Variants in TNRC6B observed in about 807,000 individuals in gnomAD.
TNRC6B encodes the protein trinucleotide repeat-containing gene 6B protein.
TNRC6B carries 52 observed loss-of-function variants against 203.6 expected under a neutral mutation model. That is an observed-to-expected ratio of 0.26 (90% confidence interval 0.20 to 0.32). TNRC6B has a LOEUF of 0.32. TNRC6B is among the 10% of genes least tolerant of loss of function. The probability of loss-of-function intolerance (pLI) is 1.00; values close to 1 mark genes in which losing one functional copy is unlikely to be tolerated. For missense variants in TNRC6B, 1,923 were observed against 2,286.2 expected, an observed-to-expected ratio of 0.84 and a Z score of 3.24; for synonymous variants, 838 against 845.7, an observed-to-expected ratio of 0.99 and a Z score of 0.16.
chr22:40,170,027 C>T (rs1357151616), intron 4 of TNRC6B, among the ~76,000 whole-genome samples: 1 of 151,610 alleles, frequency 6.6e-6, no homozygotes, highest in Non-Finnish European at 1.5e-5. Context: ...AGCCTATAAT[C>T]GTGGCACTTT....
intron 2 of TNRC6B, chr22:40,125,732 C>T: frequency 1.3e-6 from 2 of 1,505,104 alleles, no homozygotes; most frequent in Admixed American, 2.5e-5. Flanking sequence ...TTTTTTTGCC[C>T]TGAATTCCTT....
At chr22:40,319,417 CT>C (rs869241367) in intron 21 of TNRC6B, among the ~76,000 whole-genome samples, 14 of 115,334 alleles carry the variant, frequency 1.2e-4, no homozygotes, top group Middle Eastern at 4.5e-3. Flanking sequence ...TATAACTTTT[CT>C]TTTCTTTTTT....
chr22:40,075,156 A>ATATATATATATATATATATATAT, intron 1 of TNRC6B, among the ~76,000 whole-genome samples: 3 of 35,552 alleles, frequency 8.4e-5, no homozygotes, highest in Non-Finnish European at 1.0e-4. Context: ...ATATATATAT[A>ATATATATATATATATATATATAT]TTTTTTTTTT....
intron 9 of TNRC6B, among the ~76,000 whole-genome samples, chr22:40,279,764 T>C (rs981816630): frequency 2.0e-5 from 3 of 152,164 alleles, no homozygotes; most frequent in Non-Finnish European, 4.4e-5. Context: ...CAGATACATG[T>C]TTTGTTTTGT....
At chr22:40,264,613 G>C in intron 4 of TNRC6B, 75 bp from the exon 5 acceptor site, 3 of 1,474,214 alleles carry the variant, frequency 2.0e-6, no homozygotes, top group Non-Finnish European at 2.7e-6. Flanking sequence ...AGAGCTCAAA[G>C]GAGAGCCCCT....
At chr22:40,137,849 T>C (rs1407135412) in intron 3 of TNRC6B, among the ~76,000 whole-genome samples, 1 of 151,954 alleles carries the variant, frequency 6.6e-6, no homozygotes, top group Non-Finnish European at 1.5e-5. Flanking sequence ...CCGGGCATGG[T>C]GGCAGGCGCC....
chr22:40,308,412 A>C, intron 15 of TNRC6B, 100 bp from the exon 16 acceptor site: 1 of 1,352,284 alleles, frequency 7.4e-7, no homozygotes, highest in Non-Finnish European at 1.1e-6. Flanking sequence ...AACTCTGTGA[A>C]TTAGTCTTTG....
rs376177580 is a variant in TNRC6B at position 40,076,755 on chromosome 22, T to G, written c.-121+31757T>G. Among the ~76,000 whole-genome samples the G allele has an allele frequency of 1.6e-4, 24 of 152,346 alleles. 2 individuals are homozygous for G. Among genetic ancestry groups the G allele is most frequent in the Admixed American group, 9.8e-4 (15 of 15,304 alleles). ...TTAATGAAAAGTCTTCCAGTAATACTGTAGTATGGATGCTTCATAAAAAAA... is the reference window on the plus strand; with the variant it reads ...TTAATGAAAAGTCTTCCAGTAATACGGTAGTATGGATGCTTCATAAAAAAA... On this transcript the variant is annotated intron_variant, in intron 1 of 23. Coordinates refer to the TNRC6B transcript ENST00000301923.
intron 1 of TNRC6B, among the ~76,000 whole-genome samples, chr22:40,077,825 A>T (rs779635423): frequency 1.8e-4 from 27 of 152,186 alleles, no homozygotes; most frequent in Non-Finnish European, 2.6e-4. Context: ...GTGGATACAT[A>T]CTGCATTGAG....
intron 1 of TNRC6B, among the ~76,000 whole-genome samples, chr22:40,098,054 T>G (rs1194075207): frequency 6.6e-6 from 1 of 150,536 alleles, no homozygotes; most frequent in South Asian, 2.1e-4. Context: ...ACTTGTGAGG[T>G]GTGTGTGTGT....
At chr22:40,285,592 C>T (rs2070769404) in intron 11 of TNRC6B, 53 bp from the exon 12 acceptor site, 2 of 1,583,476 alleles carry the variant, frequency 1.3e-6, no homozygotes, top group Admixed American at 3.8e-5. Context: ...CTGTTTCTTA[C>T]TTGCATTTTC....
chr22:40,278,275 C>T (rs1033513189), intron 9 of TNRC6B, among the ~76,000 whole-genome samples: 2 of 152,044 alleles, frequency 1.3e-5, no homozygotes, highest in Non-Finnish European at 2.9e-5. Context: ...GAACCTGGGA[C>T]GAGGCCGGGC....
intron 1 of TNRC6B, among the ~76,000 whole-genome samples, chr22:40,179,572 T>C (rs1007565964): frequency 6.6e-6 from 1 of 152,230 alleles, no homozygotes; most frequent in Non-Finnish European, 1.5e-5. Flanking sequence ...AGACGTGGAT[T>C]AAAGCTAATT....
rs775092050 is a variant in TNRC6B, at chr22:40,323,288, G to A, written c.*47G>A. The stretch of plus-strand genomic sequence containing the variant: ...CCTCGTGACCTTTTTTGGAACAGCA[G>A]CAGCACTAACTTGACCTTTTCGTTT... On this transcript the variant is annotated 3_prime_UTR_variant, in exon 23 of 23. Coordinates refer to ENST00000454349, the MANE Select transcript of TNRC6B (RefSeq NM_001162501.2). 1.3e-5 allele frequency: 20 copies of A among 1,567,728 alleles called. No homozygotes were observed. In the Admixed American group the frequency reaches 3.7e-4, roughly 29 times the overall value.
chr22:40,329,929 C>T lies in TNRC6B; in HGVS notation c.*6688C>T, dbSNP rs1420335563. ...ACATGGCCAGGAAAAATGGTACTAC[C>T]TTGGCCAAAGGGTCTTTGCAAAAAG... On this transcript the variant is annotated 3_prime_UTR_variant, in exon 23 of 23. Coordinates refer to ENST00000454349, the MANE Select transcript of TNRC6B (RefSeq NM_001162501.2). 3 of 152,204 alleles carry T rather than the reference C, an allele frequency of 2.0e-5. No individual in the cohort carries two copies. The highest frequency in any genetic ancestry group is 6.5e-5 in the Admixed American group (1 of 15,284). The allele number at this position is 152,204 out of a possible 1,614,324, so 9.4% of individuals were successfully genotyped here.
upstream of TNRC6B, among the ~76,000 whole-genome samples, chr22:40,176,778 G>A (rs568939889): frequency 9.2e-5 from 14 of 152,306 alleles, 1 homozygote; most frequent in Middle Eastern, 3.4e-3. Context: ...GATATTATGG[G>A]AGTGTTAACA....
chr22:40,080,142 C>T (rs1055366933), intron 1 of TNRC6B, among the ~76,000 whole-genome samples: 7 of 131,456 alleles, frequency 5.3e-5, no homozygotes, highest in African/African-American at 2.1e-4. Flanking sequence ...CACTATGTTG[C>T]CCAAGCTGGT....
At chr22:40,213,874 G>A (rs1446962611) in intron 1 of TNRC6B, among the ~76,000 whole-genome samples, 5 of 152,090 alleles carry the variant, frequency 3.3e-5, no homozygotes, top group African/African-American at 7.2e-5. Context: ...AAAGAACTCG[G>A]GTTCATATGA....
upstream of TNRC6B, among the ~76,000 whole-genome samples, chr22:40,177,761 A>T (rs1666080291): frequency 6.6e-6 from 1 of 152,170 alleles, no homozygotes; most frequent in African/African-American, 2.4e-5. Flanking sequence ...CTGTAGGCGG[A>T]GAGTATGAGA....
Sources: allele counts gnomAD v4.1 joint callset (sites outside exome capture counted in the v4.1 genomes callset), GRCh38; gene constraint gnomAD v4.1.1; transcripts MANE v1.5; gene names NCBI Gene and HGNC (gene_info 2026-07-23, HGNC 2026-07-21).